The following GTF2F2 variants were observed in gnomAD, a reference collection of about 807,000 sequenced individuals.
The protein encoded by GTF2F2 is general transcription factor IIF subunit 2, also known as ATP-dependent helicase GTF2F2.
A neutral mutation model predicts 42.2 loss-of-function variants in GTF2F2; 23 were observed. The observed-to-expected ratio is 0.55, with a 90% CI of 0.39 to 0.77. The LOEUF is 0.77. Among genes scored for constraint, GTF2F2 ranks in the 30% least tolerant of loss-of-function variants. The pLI is 0.00. For missense variants in GTF2F2, 261 were observed against 287.2 expected, an observed-to-expected ratio of 0.91 and a Z score of 0.66; for synonymous variants, 105 against 100.8, an observed-to-expected ratio of 1.04 and a Z score of -0.25.
chr13:45,258,014 A>G (rs919038702), intron 6 of GTF2F2, among the ~76,000 whole-genome samples: 2 of 152,210 alleles, frequency 1.3e-5, no homozygotes, highest in Non-Finnish European at 2.9e-5. Flanking sequence ...AACCAAGCAT[A>G]TGTGAACAAG....
At chr13:45,210,662 C>T (rs1873595173) in intron 5 of GTF2F2, among the ~76,000 whole-genome samples, 1 of 152,088 alleles carries the variant, frequency 6.6e-6, no homozygotes, top group Admixed American at 6.5e-5. Context: ...ACACATTTGT[C>T]TACAATAGTT....
chr13:45,151,652 A>T, intron 3 of GTF2F2, 35 bp from the exon 4 acceptor site: 1 of 1,404,132 alleles, frequency 7.1e-7, no homozygotes, highest in Non-Finnish European at 9.9e-7. Context: ...TGAATACAGA[A>T]GTCTGTTATA....
chr13:45,195,554 A>G (rs1339225194), intron 4 of GTF2F2, among the ~76,000 whole-genome samples: 1 of 152,026 alleles, frequency 6.6e-6, no homozygotes, highest in Non-Finnish European at 1.5e-5. Flanking sequence ...TTTGTTTCAC[A>G]GTGGGCAAAA....
At chr13:45,224,497 C>G (rs1230581067) in intron 5 of GTF2F2, among the ~76,000 whole-genome samples, 1 of 152,082 alleles carries the variant, frequency 6.6e-6, no homozygotes, top group Non-Finnish European at 1.5e-5. Flanking sequence ...TTCCCTTCTT[C>G]TTTTCTGATT....
intron 5 of GTF2F2, among the ~76,000 whole-genome samples, chr13:45,227,244 T>TATA (rs1368347081): frequency 2.0e-5 from 3 of 152,254 alleles, no homozygotes; most frequent in Admixed American, 1.3e-4. Flanking sequence ...AAGTATTTAT[T>TATA]AGCATATGAA....
At chr13:45,274,733 G>A (rs1876954441) in intron 7 of GTF2F2, among the ~76,000 whole-genome samples, 1 of 152,090 alleles carries the variant, frequency 6.6e-6, no homozygotes, top group Admixed American at 6.6e-5. Flanking sequence ...CTTGAGTCAA[G>A]GAGTTCGAGA....
At chr13:45,177,792 C>T (rs1039928233) in intron 4 of GTF2F2, among the ~76,000 whole-genome samples, 1 of 152,062 alleles carries the variant, frequency 6.6e-6, no homozygotes, top group Non-Finnish European at 1.5e-5. Flanking sequence ...ATCTTTCATT[C>T]GTAAAATTGT....
intron 4 of GTF2F2, among the ~76,000 whole-genome samples, chr13:45,191,215 C>CAAAAAA (rs1158010068): frequency 0.014 from 1,070 of 74,670 alleles, 66 homozygotes; most frequent in African/African-American, 0.032. Flanking sequence ...ACTAAAAATA[C>CAAAAAA]AAAAAAAAAA....
At chr13:45,269,644 T>C (rs1432128160) in intron 7 of GTF2F2, among the ~76,000 whole-genome samples, 1 of 152,192 alleles carries the variant, frequency 6.6e-6, no homozygotes, top group Non-Finnish European at 1.5e-5. Flanking sequence ...TCTGGTATAA[T>C]GGAAAGAACC....
intron 4 of GTF2F2, chr13:45,194,566 A>AT: frequency 6.2e-7 from 1 of 1,605,968 alleles, no homozygotes; most frequent in Non-Finnish European, 8.5e-7. Context: ...TTTACGCTCC[A>AT]TTTTTTGAAG....
At chr13:45,183,538 C>T (rs1872265674) in intron 4 of GTF2F2, among the ~76,000 whole-genome samples, 1 of 152,100 alleles carries the variant, frequency 6.6e-6, no homozygotes, top group Admixed American at 6.5e-5. Flanking sequence ...GCTTACATTC[C>T]ACTAGTCAGA....
intron 1 of GTF2F2, among the ~76,000 whole-genome samples, chr13:45,122,594 G>A (rs1477507284): frequency 1.3e-5 from 2 of 151,870 alleles, no homozygotes; most frequent in Non-Finnish European, 1.5e-5. Context: ...AGATTGCTCC[G>A]TTGCACTCCA....
At chr13:45,197,358 A>G (rs1293345394) in intron 4 of GTF2F2, among the ~76,000 whole-genome samples, 2 of 146,460 alleles carry the variant, frequency 1.4e-5, no homozygotes, top group East Asian at 2.0e-4. Context: ...AAAAAAAAAA[A>G]TTAGCTGGGG....
intron 4 of GTF2F2, chr13:45,194,610 A>G: frequency 6.4e-7 from 1 of 1,552,986 alleles, no homozygotes; most frequent in Non-Finnish European, 8.7e-7. Flanking sequence ...TGGCTTTGAG[A>G]TTTTTTAAAA....
intron 7 of GTF2F2, among the ~76,000 whole-genome samples, chr13:45,280,030 TA>T: frequency 6.6e-6 from 1 of 152,156 alleles, no homozygotes; most frequent in Non-Finnish European, 1.5e-5. Flanking sequence ...AATGTAAATC[TA>T]AGGTAAGGCT....
At chr13:45,242,963 G>GTA (rs1875393999) in intron 5 of GTF2F2, among the ~76,000 whole-genome samples, 1 of 152,182 alleles carries the variant, frequency 6.6e-6, no homozygotes, top group South Asian at 2.1e-4. Flanking sequence ...CTTGGAGGAT[G>GTA]TATATGCTAC....
intron 5 of GTF2F2, among the ~76,000 whole-genome samples, chr13:45,217,297 CAAAA>C (rs397851526): frequency 2.3e-5 from 2 of 85,488 alleles, no homozygotes; most frequent in Admixed American, 2.7e-4. Context: ...GACTCCATCT[CAAAA>C]AAAAAAAAAA....
rs574732217 is a variant in GTF2F2 at position 45,198,957 on chromosome 13, T to C, written c.305-8467T>C. ...TTTCCCATGTTAATGTAATTCTTTT[T>C]GAGTGTCCAAATTTTAGTTCTATTT... is the stretch of plus-strand genomic sequence containing the variant. On this transcript the variant is annotated intron_variant, in intron 4 of 7. Transcript: ENST00000340473. Among the ~76,000 whole-genome samples the C allele has an allele frequency of 2.2e-4, 33 of 152,354 alleles. No individual in the cohort carries two copies. The South Asian group carries it at 6.0e-3, about 28-fold the overall frequency.
intron 4 of GTF2F2, among the ~76,000 whole-genome samples, chr13:45,196,034 A>G (rs1003092459): frequency 7.9e-5 from 12 of 152,360 alleles, no homozygotes; most frequent in Admixed American, 2.6e-4. Flanking sequence ...GTATGTTGAC[A>G]TAGGAATATT....
Sources: gnomAD v4.1 joint callset for allele counts (sites outside exome capture counted in the v4.1 genomes callset) on GRCh38, gnomAD v4.1.1 for gene constraint, MANE v1.5 for transcripts, NCBI Gene and HGNC (gene_info 2026-07-23, HGNC 2026-07-21) for gene names.